The following DNM3 variants were observed in gnomAD, a reference collection of about 807,000 sequenced individuals.
DNM3 encodes dynamin 3, also known as dynamin-3.
Under a neutral mutation model 101.6 loss-of-function variants are expected in DNM3, and 47 were observed. That is an observed-to-expected ratio of 0.46 (90% CI 0.37 to 0.59). The LOEUF is 0.59. DNM3 is among the 20% of genes least tolerant of loss of function. The probability of loss-of-function intolerance (pLI) is 0.00; values close to 1 mark genes in which losing one functional copy is unlikely to be tolerated. For synonymous variants in DNM3, 385 were observed against 387.9 expected, an observed-to-expected ratio of 0.99 and a Z score of 0.09; for missense variants, 849 against 1,085.7, an observed-to-expected ratio of 0.78 and a Z score of 3.06.
chr1:171,985,620 G>C (rs1185697090), intron 2 of DNM3, among the ~76,000 whole-genome samples: 1 of 152,202 alleles, frequency 6.6e-6, no homozygotes, highest in Admixed American at 6.5e-5. Flanking sequence ...ACATTATATG[G>C]AGAAACTAAG....
At position 172,277,802 on chromosome 1, in the gene DNM3, AT is replaced by A. The variant is rs575015419; in HGVS notation, c.1769+24124del. ...AATGTCATTGAATTATGTGACTGTG[AT>A]TTTCCCCCAAATTGAAAACTACTAG... is the stretch of plus-strand genomic sequence containing the variant. On this transcript the variant is annotated intron_variant, in intron 15 of 20. Coordinates refer to ENST00000627582, the MANE Select transcript of DNM3 (RefSeq NM_015569.5). Among the ~76,000 whole-genome samples, 526 of 152,170 alleles carry A rather than the reference AT, an allele frequency of 3.5e-3. 2 individuals are homozygous for A. Among genetic ancestry groups the A allele is most frequent in the African/African-American group, 0.012 (502 of 41,538 alleles).
intron 17 of DNM3, among the ~76,000 whole-genome samples, chr1:172,345,994 G>A (rs554358837): frequency 2.0e-5 from 3 of 151,940 alleles, no homozygotes; most frequent in Admixed American, 6.6e-5. Flanking sequence ...GCTTGTGGGC[G>A]TGGTTGTAGT....
chr1:172,085,052 T>C (rs897521212), intron 12 of DNM3, among the ~76,000 whole-genome samples: 6 of 152,130 alleles, frequency 3.9e-5, no homozygotes, highest in African/African-American at 1.4e-4. Flanking sequence ...AGTTATTTGT[T>C]AGACATGGCC....
intron 12 of DNM3, among the ~76,000 whole-genome samples, chr1:172,090,893 CATTG>C (rs1350726612): frequency 4.6e-5 from 7 of 152,188 alleles, no homozygotes; most frequent in Admixed American, 1.3e-4. Flanking sequence ...TAGACCATTT[CATTG>C]ATCTCCAAAA....
rs151027754 is a variant in DNM3, at chr1:171,881,891, A to G, written c.162-39857A>G. 9.1e-4 allele frequency among the ~76,000 whole-genome samples: 139 copies of G among 152,372 alleles called. No homozygotes were observed. The East Asian group carries it at 0.018, about 19-fold the overall frequency. On this transcript the variant is annotated intron_variant, in intron 1 of 20. Transcript: ENST00000627582. The stretch of plus-strand genomic sequence containing the variant: ...TTATTAATTGGCGTGAAAACGTTGC[A>G]TAACATTTTAGGAACTAAATCCTAG...
intron 14 of DNM3, among the ~76,000 whole-genome samples, chr1:172,214,766 C>T (rs2060634993): frequency 6.6e-6 from 1 of 151,914 alleles, no homozygotes; most frequent in African/African-American, 2.4e-5. Flanking sequence ...ACTTATAAAT[C>T]AGCCATTTTT....
intron 4 of DNM3, among the ~76,000 whole-genome samples, chr1:172,018,019 C>G (rs915889379): frequency 1.3e-5 from 2 of 151,960 alleles, no homozygotes; most frequent in Non-Finnish European, 2.9e-5. Context: ...ATAGCCAATC[C>G]CAGTTTCTTT....
At chr1:171,892,632 A>G (rs942269625) in intron 1 of DNM3, among the ~76,000 whole-genome samples, 1 of 152,204 alleles carries the variant, frequency 6.6e-6, no homozygotes, top group South Asian at 2.1e-4. Flanking sequence ...TCATTTATGT[A>G]TACATGTATA....
intron 18 of DNM3, among the ~76,000 whole-genome samples, chr1:172,385,090 T>C (rs1242383397): frequency 6.6e-6 from 1 of 152,220 alleles, no homozygotes; most frequent in East Asian, 1.9e-4. Flanking sequence ...TGGTTGTTCC[T>C]TTCTTCCTTG....
At chr1:172,021,734 T>C (rs2047866434) in intron 4 of DNM3, among the ~76,000 whole-genome samples, 1 of 152,214 alleles carries the variant, frequency 6.6e-6, no homozygotes, top group South Asian at 2.1e-4. Flanking sequence ...TGTGTAGCTT[T>C]TCAAAGTCTT....
intron 14 of DNM3, among the ~76,000 whole-genome samples, chr1:172,189,487 A>T (rs567502470): frequency 6.6e-6 from 1 of 152,124 alleles, no homozygotes; most frequent in Non-Finnish European, 1.5e-5. Context: ...ATTCATGAAC[A>T]TGGAATTTCC....
At chr1:172,313,347 T>C (rs1268634913) in intron 16 of DNM3, among the ~76,000 whole-genome samples, 2 of 152,252 alleles carry the variant, frequency 1.3e-5, no homozygotes, top group African/African-American at 2.4e-5. Flanking sequence ...TAAAAGATTA[T>C]TTTATTGACA....
intron 14 of DNM3, among the ~76,000 whole-genome samples, chr1:172,178,873 G>A (rs1203253441): frequency 6.6e-6 from 1 of 151,900 alleles, no homozygotes; most frequent in Non-Finnish European, 1.5e-5. Context: ...AGATGAAATA[G>A]AATAAGTCTT....
At chr1:172,205,766 T>C (rs2060302435) in intron 14 of DNM3, among the ~76,000 whole-genome samples, 1 of 152,160 alleles carries the variant, frequency 6.6e-6, no homozygotes, top group African/African-American at 2.4e-5. Flanking sequence ...GGAATGAGTA[T>C]TTTGATAACC....
intron 14 of DNM3, among the ~76,000 whole-genome samples, chr1:172,226,923 A>G (rs2061144869): frequency 6.6e-6 from 1 of 152,170 alleles, no homozygotes; most frequent in Admixed American, 6.5e-5. Flanking sequence ...TTTTATTTCA[A>G]TAGCTCTGGG....
chr1:172,031,990 A>G (rs1388917365), intron 4 of DNM3, among the ~76,000 whole-genome samples: 1 of 152,172 alleles, frequency 6.6e-6, no homozygotes, highest in African/African-American at 2.4e-5. Context: ...CACTCTCATC[A>G]TTGGTCCATG....
At chr1:172,383,918 A>C (rs2069053767) in intron 18 of DNM3, among the ~76,000 whole-genome samples, 1 of 152,196 alleles carries the variant, frequency 6.6e-6, no homozygotes, top group Admixed American at 6.5e-5. Flanking sequence ...ATAATTAAAA[A>C]CATAAATATT....
At chr1:171,988,861 G>C (rs1345595035) in intron 3 of DNM3, 84 bp from the exon 4 acceptor site, 38 of 1,225,944 alleles carry the variant, frequency 3.1e-5, no homozygotes, top group Non-Finnish European at 4.2e-5. Context: ...AAAGTAGAAG[G>C]CTGAGCTAAG....
rs961115372 is a variant in DNM3, at chr1:172,116,553, A to G, written c.1546-14622A>G. On this transcript the variant is annotated intron_variant, in intron 13 of 20. Coordinates refer to ENST00000627582, the MANE Select transcript of DNM3 (RefSeq NM_015569.5). ...AAGGCAGAGGAGAAGCAAAGCTCCA[A>G]TGGAGATTCCCTTCTTTCTCCCATA... Among the ~76,000 whole-genome samples the G allele has an allele frequency of 3.9e-5, 6 of 152,308 alleles. No homozygotes were observed. The South Asian group carries it at 6.2e-4, about 16-fold the overall frequency.
Sources: allele counts gnomAD v4.1 joint callset (sites outside exome capture counted in the v4.1 genomes callset), GRCh38; gene constraint gnomAD v4.1.1; transcripts MANE v1.5; gene names NCBI Gene and HGNC (gene_info 2026-07-23, HGNC 2026-07-21).